EXD3: variants seen among roughly 807,000 people sequenced by gnomAD.
EXD3 encodes the protein exonuclease mut-7 homolog.
A neutral mutation model predicts 98.0 loss-of-function variants in EXD3; 92 were observed. The observed-to-expected ratio is 0.94, with a 90% confidence interval of 0.79 to 1.12. The LOEUF (loss-of-function observed/expected upper bound fraction) is 1.12, where lower values mean the gene tolerates loss of function less well. EXD3 is among the 50% of genes most tolerant of loss of function. The pLI is 0.00. For synonymous variants in EXD3, 569 were observed against 526.0 expected (o/e 1.08, Z -1.12); for missense variants, 1,222 against 1,191.6 (o/e 1.03, Z -0.38).
rs1157379952 is a variant in EXD3 at position 137,354,837 on chromosome 9, G to A, written c.758-64C>T. On this transcript the variant is annotated intron_variant, in intron 8 of 21. Coordinates refer to ENST00000340951, the MANE Select transcript of EXD3 (RefSeq NM_017820.5). ...CAGCCTCACCACGGCCTCCTTCTGGGGCGGGCTGGAGACGGGCAGAGGGGC... is the reference window on the plus strand; with the variant it reads ...CAGCCTCACCACGGCCTCCTTCTGGAGCGGGCTGGAGACGGGCAGAGGGGC... The A allele has an allele frequency of 3.3e-6, 5 of 1,523,792 alleles. No homozygotes were observed. In the East Asian group the frequency reaches 7.0e-5, roughly 21 times the overall value. 94.4% of individuals were successfully genotyped at this position (1,523,792 alleles called of 1,614,324 possible).
chr9:137,368,534 G>A (rs1331792293), intron 5 of EXD3, among the ~76,000 whole-genome samples: 3 of 152,350 alleles, frequency 2.0e-5, no homozygotes, highest in African/African-American at 7.2e-5. Flanking sequence ...ATCGGGGCAC[G>A]GCCGGGCCCT....
chr9:137,383,627 C>T (rs1438857205), intron 2 of EXD3, among the ~76,000 whole-genome samples: 1 of 152,240 alleles, frequency 6.6e-6, no homozygotes, highest in Non-Finnish European at 1.5e-5. Context: ...GCACTTCAAC[C>T]ACGCTCAGCC....
At position 137,405,218 on chromosome 9, in the gene EXD3, G is replaced by A. The variant is rs564085061; in HGVS notation, c.-47-9814C>T. Among the ~76,000 whole-genome samples the A allele has an allele frequency of 5.9e-5, 9 of 152,320 alleles. No individual in the cohort carries two copies. The highest frequency in any genetic ancestry group is 2.2e-4 in the African/African-American group (9 of 41,574). On this transcript the variant is annotated intron_variant, in intron 1 of 21. Transcript: ENST00000340951. The surrounding 1 kb of genome is among the most constrained non-coding windows in gnomAD (Gnocchi z 4.1). ...CCCTTGGACCTCCTAACTGCGCTGG[G>A]GTCCGGCACAGTGGGCTCTGACCCA...
chr9:137,332,002 ACAG>A (rs1833089532), intron 17 of EXD3, among the ~76,000 whole-genome samples: 1 of 152,164 alleles, frequency 6.6e-6, no homozygotes, highest in Non-Finnish European at 1.5e-5. Context: ...ACACACACAC[ACAG>A]AACAAACCTA....
At chr9:137,341,583 C>T (rs1443615970) in intron 17 of EXD3, among the ~76,000 whole-genome samples, 2 of 105,810 alleles carry the variant, frequency 1.9e-5, no homozygotes, top group Admixed American at 1.0e-4. Context: ...TCAGAGGAAA[C>T]GGGGCTCAGG....
At chr9:137,422,253 A>G (rs969047038) in intron 1 of EXD3, among the ~76,000 whole-genome samples, 1 of 152,162 alleles carries the variant, frequency 6.6e-6, no homozygotes, top group Non-Finnish European at 1.5e-5. Flanking sequence ...GCTTTCAAGA[A>G]GAAAGATTTT....
intron 19 of EXD3, among the ~76,000 whole-genome samples, chr9:137,316,526 G>C (rs1351045584): frequency 6.6e-6 from 1 of 152,194 alleles, no homozygotes; most frequent in Admixed American, 6.5e-5. Flanking sequence ...CCCGCCCCAA[G>C]CGGCCCTGGG....
chr9:137,312,552 C>T (rs971435673), intron 19 of EXD3, among the ~76,000 whole-genome samples: 1 of 152,180 alleles, frequency 6.6e-6, no homozygotes, highest in Non-Finnish European at 1.5e-5. Context: ...GGACCCACAG[C>T]CAAGTGGGTC....
intron 1 of EXD3, among the ~76,000 whole-genome samples, chr9:137,420,634 T>C (rs990847174): frequency 6.6e-6 from 1 of 152,084 alleles, no homozygotes; most frequent in African/African-American, 2.4e-5. Flanking sequence ...CCTGTTTACA[T>C]AGTTCCCTTA....
intron 19 of EXD3, among the ~76,000 whole-genome samples, chr9:137,314,270 G>A (rs940134602): frequency 3.3e-5 from 5 of 152,230 alleles, no homozygotes; most frequent in Non-Finnish European, 5.9e-5. Flanking sequence ...CCGCCCCAAA[G>A]GTGACCCGAC....
In EXD3 at chr9:137,403,808, C is replaced by G. The variant is rs1417843082; in HGVS notation, c.-47-8404G>C. ...AGGCCCTCTCCACCATGCCCAGAAC[C>G]GTGGATGCCCCAGCCTGGGCTCTTC... On this transcript the variant is annotated intron_variant, in intron 1 of 21. Coordinates refer to ENST00000340951, the MANE Select transcript of EXD3 (RefSeq NM_017820.5). The surrounding 1 kb of genome is among the most constrained non-coding windows in gnomAD (Gnocchi z 6.1). Among the ~76,000 whole-genome samples the G allele has an allele frequency of 6.6e-6, 1 of 152,156 alleles. No homozygotes were observed. Among genetic ancestry groups the G allele is most frequent in the African/African-American group, 2.4e-5 (1 of 41,448 alleles).
intron 19 of EXD3, among the ~76,000 whole-genome samples, chr9:137,318,812 G>T (rs560766097): frequency 1.9e-3 from 296 of 152,278 alleles, no homozygotes; most frequent in Non-Finnish European, 3.2e-3. Context: ...CACCGCCTGG[G>T]GTCTCTGCTG....
At position 137,393,472 on chromosome 9, in the gene EXD3, T is replaced by C. The variant is rs947545066; in HGVS notation, c.55+1831A>G. On this transcript the variant is annotated intron_variant, in intron 2 of 21. Transcript: ENST00000340951. This position sits in a 1 kb window ranked among gnomAD's most constrained non-coding sequence, Gnocchi z 4.6. ...CCCACAGGACAGCCAGGGTTGTGCC[T>C]GCTGAGGGGGCCACATCCACACCAA... is the stretch of plus-strand genomic sequence containing the variant. Among the ~76,000 whole-genome samples, 1 of 152,134 alleles carries C rather than the reference T, an allele frequency of 6.6e-6. No individual in the cohort carries two copies. Among genetic ancestry groups the C allele is most frequent in the Non-Finnish European group, 1.5e-5 (1 of 67,982 alleles).
chr9:137,382,919 C>A (rs1041324332), intron 3 of EXD3, among the ~76,000 whole-genome samples: 1 of 152,192 alleles, frequency 6.6e-6, no homozygotes, highest in Admixed American at 6.5e-5. Context: ...CAAGTCCCAC[C>A]CCTTCCTAAG....
chr9:137,346,830 T>C (rs1434691597), intron 17 of EXD3, among the ~76,000 whole-genome samples: 1 of 152,178 alleles, frequency 6.6e-6, no homozygotes, highest in Admixed American at 6.5e-5. Context: ...TTCTATTGTT[T>C]TGAGACGGAG....
rs1337650484 is a variant in EXD3, at chr9:137,385,432, T to C, written c.56-2055A>G. Among the ~76,000 whole-genome samples, 1 of 152,208 alleles carries C rather than the reference T, an allele frequency of 6.6e-6. No individual in the cohort carries two copies. The highest frequency in any genetic ancestry group is 6.5e-5 in the Admixed American group (1 of 15,284). ...AGGGTGGGCTGGGCGGGGCGTGCTG[T>C]GGTGTGTTCACGATCATGTGCCGAG... On this transcript the variant is annotated intron_variant, in intron 2 of 21. Transcript: ENST00000340951. This position sits in a 1 kb window ranked among gnomAD's most constrained non-coding sequence, Gnocchi z 4.4.
intron 11 of EXD3, among the ~76,000 whole-genome samples, 168 bp from the exon 12 acceptor site, chr9:137,352,369 C>G (rs1834351628): frequency 6.6e-6 from 1 of 152,186 alleles, no homozygotes; most frequent in Admixed American, 6.5e-5. Flanking sequence ...GCTCCTGCCT[C>G]TCCTCCCAGT....
intron 17 of EXD3, among the ~76,000 whole-genome samples, chr9:137,337,679 T>C (rs781681364): frequency 6.6e-6 from 1 of 151,272 alleles, no homozygotes; most frequent in Non-Finnish European, 1.5e-5. Flanking sequence ...AACGACACAT[T>C]TGGCAAGCTG....
rs567800920 is a variant in EXD3 at position 137,316,606 on chromosome 9, C to T, written c.2185-6906G>A. On this transcript the variant is annotated intron_variant, in intron 19 of 21. Transcript: ENST00000340951. ...CTCCCTCCAGGAGCGGTGATGGTCC[C>T]GCCATCGACTGGGGGACTTCCTGGA... Among the ~76,000 whole-genome samples the T allele has an allele frequency of 2.6e-5, 4 of 152,354 alleles. No homozygotes were observed. In the South Asian group the frequency reaches 8.3e-4, roughly 32 times the overall value.
Sources: allele counts gnomAD v4.1 joint callset (sites outside exome capture counted in the v4.1 genomes callset), GRCh38; gene constraint gnomAD v4.1.1; non-coding constraint Gnocchi (gnomAD v3.1); transcripts MANE v1.5; gene names NCBI Gene and HGNC (gene_info 2026-07-23, HGNC 2026-07-21).